The following PEAK1 variants were observed in gnomAD, a reference collection of about 807,000 sequenced individuals.
The protein encoded by PEAK1 is inactive tyrosine-protein kinase PEAK1.
In PEAK1, 54 loss-of-function variants were observed where a neutral mutation model predicts 124.7. That is an observed-to-expected ratio of 0.43 (90% CI 0.35 to 0.54). The LOEUF (loss-of-function observed/expected upper bound fraction) is 0.54. Ranked by LOEUF, PEAK1 falls within the 20% of genes least tolerant of loss-of-function variation. PEAK1 has a pLI of 0.01. For synonymous variants in PEAK1, 719 were observed against 760.0 expected (o/e 0.95, Z 0.89); for missense variants, 2,046 against 2,134.5 (o/e 0.96, Z 0.82).
In PEAK1 at chr15:77,130,843, AC is replaced by A. The variant is rs1320704824; in HGVS notation, c.4077+2161del. On this transcript the variant is annotated intron_variant, in intron 9 of 9. Transcript: ENST00000682557. ...CAAAGATTGTTACTCTCTTAAAGTA[AC>A]CTAGGGAAGAAGCTAGTGGCTAGTT... Among the ~76,000 whole-genome samples the A allele has an allele frequency of 2.0e-5, 3 of 152,326 alleles. No individual in the cohort carries two copies. The East Asian group carries it at 5.8e-4, about 29-fold the overall frequency.
At chr15:77,202,210 A>G (rs923958302) in intron 6 of PEAK1, among the ~76,000 whole-genome samples, 3 of 152,140 alleles carry the variant, frequency 2.0e-5, no homozygotes, top group Non-Finnish European at 4.4e-5. Context: ...GGTGTTGCTC[A>G]ATTGCGCACC....
Position 77,181,971 on chromosome 15 carries a change from T to C in PEAK1, c.-45A>G, listed in dbSNP as rs183279796. On this transcript the variant is annotated 5_prime_UTR_variant, in exon 7 of 10. The change abolishes an upstream ATG in the 5' untranslated region. Transcript: ENST00000682557. The stretch of plus-strand genomic sequence containing the variant: ...CAGACAATGCTTTTCTTTCAGTGCA[T>C]GACAAAACTTTCATCTGTTAGTTTT... 8 of 1,513,912 alleles carry C rather than the reference T, an allele frequency of 5.3e-6. No individual in the cohort carries two copies. The South Asian group carries it at 8.2e-5, about 15-fold the overall frequency. 93.8% of individuals were successfully genotyped at this position (1,513,912 alleles called of 1,614,324 possible).
chr15:77,176,314 AC>A (rs2056874445), intron 7 of PEAK1, among the ~76,000 whole-genome samples: 1 of 142,810 alleles, frequency 7.0e-6, no homozygotes, highest in Admixed American at 7.0e-5. Flanking sequence ...ATAAAGTTTT[AC>A]ATTTTTCAAA....
At chr15:77,348,924 G>T (rs905076615) in intron 2 of PEAK1, 1 of 949,788 alleles carries the variant, frequency 1.1e-6, no homozygotes, top group Non-Finnish European at 1.3e-6. Flanking sequence ...TTATAGGCAT[G>T]ACTTACCATG....
chr15:77,324,104 T>C (rs1034712928), intron 2 of PEAK1, among the ~76,000 whole-genome samples: 3 of 152,222 alleles, frequency 2.0e-5, no homozygotes, highest in Non-Finnish European at 4.4e-5. Flanking sequence ...AGGAAACATG[T>C]CTTATTTATC....
chr15:77,313,726 G>GTATATATATA lies in PEAK1; in HGVS notation c.-602-27232_-602-27223dup, dbSNP rs1555478191. On this transcript the variant is annotated intron_variant, in intron 2 of 9. Coordinates refer to ENST00000682557, the MANE Select transcript of PEAK1 (RefSeq NM_001385026.1). Reference sequence around the variant, plus strand: ...TATATGTATGTGTGTGTGTGTGTGTGTATATATATATATATTTATTTATTT... The same window carrying GTATATATATA: ...TATATGTATGTGTGTGTGTGTGTGTGTATATATATATATATATATATATATTTATTTATTT... Among the ~76,000 whole-genome samples, 514 of 108,592 alleles carry GTATATATATA rather than the reference G, an allele frequency of 4.7e-3. 7 individuals are homozygous for GTATATATATA. Among genetic ancestry groups the GTATATATATA allele is most frequent in the African/African-American group, 0.015 (429 of 29,286 alleles). The allele number at this position is 108,592 out of a possible 152,430, so 71.2% of individuals were successfully genotyped here. A position where few individuals can be genotyped will look rare whatever the true frequency, so the allele number is the denominator to read the frequency against.
At chr15:77,250,976 A>G (rs917563373) in intron 6 of PEAK1, among the ~76,000 whole-genome samples, 1 of 152,220 alleles carries the variant, frequency 6.6e-6, no homozygotes, top group Admixed American at 6.5e-5. Context: ...CAGGTTCTGC[A>G]TTCCTTAGAA....
At chr15:77,411,027 CT>C (rs1297820278) in intron 1 of PEAK1, among the ~76,000 whole-genome samples, 1 of 151,968 alleles carries the variant, frequency 6.6e-6, no homozygotes, top group Non-Finnish European at 1.5e-5. Context: ...TTTACTAAAA[CT>C]TTGGTTTACC....
intron 2 of PEAK1, chr15:77,350,887 C>G: frequency 1.0e-6 from 1 of 985,226 alleles, no homozygotes; most frequent in Non-Finnish European, 1.2e-6. Flanking sequence ...ACCTTGGATA[C>G]GCAGGCATTT....
chr15:77,255,121 C>T (rs1345351777), intron 5 of PEAK1, among the ~76,000 whole-genome samples: 1 of 152,004 alleles, frequency 6.6e-6, no homozygotes, highest in East Asian at 1.9e-4. Flanking sequence ...GGAAGGAGTA[C>T]CTAATGCTCC....
chr15:77,350,695 G>A (rs1031999727), intron 2 of PEAK1: 7 of 984,416 alleles, frequency 7.1e-6, no homozygotes, highest in Non-Finnish European at 8.4e-6. Flanking sequence ...AGCTTCCTCA[G>A]CCATAGCTCT....
At chr15:77,316,667 A>G (rs543857240) in intron 2 of PEAK1, among the ~76,000 whole-genome samples, 55 of 152,374 alleles carry the variant, frequency 3.6e-4, no homozygotes, top group South Asian at 1.2e-3. Flanking sequence ...CACAGCAAGT[A>G]TTCAATGAAT....
intron 2 of PEAK1, among the ~76,000 whole-genome samples, chr15:77,347,007 G>T (rs932729260): frequency 6.6e-6 from 1 of 152,288 alleles, no homozygotes; most frequent in Non-Finnish European, 1.5e-5. Context: ...CTTTGAAGAG[G>T]GGACATTTAA....
At chr15:77,368,193 G>C (rs2068386711) in intron 1 of PEAK1, among the ~76,000 whole-genome samples, 1 of 152,026 alleles carries the variant, frequency 6.6e-6, no homozygotes, top group Non-Finnish European at 1.5e-5. Context: ...AAAATGTTAT[G>C]AGTTTTGAGC....
chr15:77,209,423 A>C (rs2058808863), intron 6 of PEAK1, among the ~76,000 whole-genome samples: 1 of 152,206 alleles, frequency 6.6e-6, no homozygotes, highest in Admixed American at 6.5e-5. Flanking sequence ...AAGGGCACTG[A>C]ATCAAGTCTA....
intron 1 of PEAK1, chr15:77,417,936 T>C (rs2073021513): frequency 1.0e-6 from 1 of 975,886 alleles, no homozygotes; most frequent in African/African-American, 1.8e-5. Flanking sequence ...GCTCTCAGAC[T>C]TAAATATTTA....
At chr15:77,160,963 T>C (rs1366699625) in intron 7 of PEAK1, among the ~76,000 whole-genome samples, 3 of 152,158 alleles carry the variant, frequency 2.0e-5, no homozygotes, top group Admixed American at 1.3e-4. Flanking sequence ...AGCTCAGTTA[T>C]AGTGAAAACC....
At chr15:77,258,156 T>C (rs2061260410) in intron 5 of PEAK1, among the ~76,000 whole-genome samples, 1 of 152,202 alleles carries the variant, frequency 6.6e-6, no homozygotes, top group Admixed American at 6.5e-5. Context: ...TGAAGTCAGG[T>C]GGCGTGATGC....
chr15:77,374,293 T>C (rs1422755025), intron 1 of PEAK1, among the ~76,000 whole-genome samples: 1 of 152,178 alleles, frequency 6.6e-6, no homozygotes, highest in African/African-American at 2.4e-5. Flanking sequence ...CTTCAGATAC[T>C]TCTAATTAGT....
Sources: allele counts gnomAD v4.1 joint callset (sites outside exome capture counted in the v4.1 genomes callset), GRCh38; gene constraint gnomAD v4.1.1; transcripts MANE v1.5; gene names NCBI Gene and HGNC (gene_info 2026-07-23, HGNC 2026-07-21).